The following HERC1 variants were observed in gnomAD, a reference collection of about 807,000 sequenced individuals.
The protein encoded by HERC1 is HECT and RLD domain containing E3 ubiquitin protein ligase family member 1, also known as probable E3 ubiquitin-protein ligase HERC1.
In HERC1, 160 loss-of-function variants were observed where a neutral mutation model predicts 554.3. That is an observed-to-expected ratio of 0.29 (90% CI 0.25 to 0.33). The LOEUF (loss-of-function observed/expected upper bound fraction) is 0.33. HERC1 is among the 10% of genes least tolerant of loss of function. The pLI, the probability that HERC1 is intolerant of heterozygous loss-of-function variation, is 1.00. For synonymous variants in HERC1, 2,175 were observed against 2,131.7 expected (o/e 1.02, Z -0.56); for missense variants, 4,919 against 5,918.5 (o/e 0.83, Z 5.54).
Position 63,674,748 on chromosome 15 carries a change from T to C in HERC1, c.7440A>G (p.Gln2480=), listed in dbSNP as rs199635033. 1,702 of 1,613,894 alleles carry C rather than the reference T, an allele frequency of 1.1e-3. No individual in the cohort carries two copies. The highest frequency in any genetic ancestry group is 1.3e-3 in the Non-Finnish European group (1,568 of 1,179,862). The change falls in exon 38 of 78, where the codon CAA becomes CAG. Residue 2480 remains glutamine (Q), a synonymous_variant. Coordinates refer to ENST00000443617, the MANE Select transcript of HERC1 (RefSeq NM_003922.4). ...PTLPSVESQH[Q]ITEGKRKNHE... Reference sequence around the variant, plus strand: ...GATTTTTTCTTTTCCCTTCTGTTATTTGATGTTGGGATTCCACACTTGGCA... The same window carrying C: ...GATTTTTTCTTTTCCCTTCTGTTATCTGATGTTGGGATTCCACACTTGGCA...
intron 1 of HERC1, among the ~76,000 whole-genome samples, chr15:63,795,495 G>C (rs773527116): frequency 6.6e-6 from 1 of 152,094 alleles, no homozygotes; most frequent in Admixed American, 6.5e-5. Context: ...TAAGTGGCTT[G>C]ATTTTATTTT....
At chr15:63,766,970 G>A (rs561482820) in intron 2 of HERC1, among the ~76,000 whole-genome samples, 1 of 150,418 alleles carries the variant, frequency 6.6e-6, no homozygotes, top group Admixed American at 6.6e-5. Flanking sequence ...GAGCCACCAT[G>A]CCCAGCCTAC....
At position 63,674,662 on chromosome 15, in the gene HERC1, G is replaced by A. The variant is rs1161604873; in HGVS notation, c.7526C>T (p.Ser2509Phe). The A allele has an allele frequency of 3.1e-6, 5 of 1,613,856 alleles. No individual in the cohort carries two copies. In the Admixed American group the frequency reaches 8.3e-5, roughly 27 times the overall value. Residue 2509 changes from serine to phenylalanine, a missense_variant, in exon 38 of 78, where the codon TCC becomes TTC. Around this residue, in one of 11 missense-constraint regions of HERC1, gnomAD observed 1,963 missense variants for 2,228.6 expected, o/e 0.88. Transcript: ENST00000443617. ...AQSEIRAVQLSYLYLGAMKSL... is the reference protein window; with the variant it reads ...AQSEIRAVQLFYLYLGAMKSL... Reference sequence around the variant, plus strand: ...CTTCATAGCACCGAGGTAAAGATAGGACAGCTGGACTGCTCTGATTTCTGA... The same window carrying A: ...CTTCATAGCACCGAGGTAAAGATAGAACAGCTGGACTGCTCTGATTTCTGA...
chr15:63,641,724 C>G (rs1180143547), intron 59 of HERC1, 81 bp from the exon 60 acceptor site: 1 of 1,161,568 alleles, frequency 8.6e-7, no homozygotes, highest in African/African-American at 1.5e-5. Flanking sequence ...TGCGAAATTC[C>G]TTCTAGTAAC....
intron 52 of HERC1, 98 bp from the exon 53 acceptor site, chr15:63,651,478 G>T: frequency 1.8e-6 from 2 of 1,097,838 alleles, no homozygotes; most frequent in Non-Finnish European, 2.6e-6. Flanking sequence ...AGACTAGAGT[G>T]TATAACTGAT....
rs538134201 is a variant in HERC1 at position 63,733,290 on chromosome 15, C to T, written c.2647-145G>A. 4.0e-4 allele frequency: 239 copies of T among 604,570 alleles called. 2 individuals carry two copies. The highest frequency in any genetic ancestry group is 4.4e-4 in the Middle Eastern group (1 of 2,276). The allele number at this position is 604,570 out of a possible 1,614,324, so 37.5% of individuals were successfully genotyped here. A position where few individuals can be genotyped will look rare whatever the true frequency, so the allele number is the denominator to read the frequency against. ...AGGAAGTACATAATTATAAAAACTA[C>T]CCAATTAATCCCATTTAGGAAATGG... On this transcript the variant is annotated intron_variant, in intron 13 of 77. Coordinates refer to ENST00000443617, the MANE Select transcript of HERC1 (RefSeq NM_003922.4).
intron 1 of HERC1, among the ~76,000 whole-genome samples, chr15:63,807,398 T>C (rs571619962): frequency 4.6e-5 from 7 of 152,312 alleles, no homozygotes; most frequent in Admixed American, 4.6e-4. Context: ...AGCCATTTCC[T>C]CTAGGGCTAC....
intron 70 of HERC1, among the ~76,000 whole-genome samples, chr15:63,627,625 G>C (rs979512947): frequency 2.0e-4 from 30 of 149,768 alleles, no homozygotes; most frequent in African/African-American, 7.4e-4. Flanking sequence ...AGTAAGCCGA[G>C]ATTGCGCCAT....
chr15:63,726,705 C>T (rs572140385), intron 17 of HERC1, among the ~76,000 whole-genome samples: 4 of 152,220 alleles, frequency 2.6e-5, no homozygotes, highest in African/African-American at 9.6e-5. Context: ...TGTCTACAAA[C>T]AAAACACCAG....
chr15:63,664,224 C>G (rs2070499001), intron 43 of HERC1, among the ~76,000 whole-genome samples: 1 of 152,114 alleles, frequency 6.6e-6, no homozygotes, highest in South Asian at 2.1e-4. Flanking sequence ...TATAATTTCT[C>G]AAAATCTACA....
At chr15:63,776,341 C>A (rs547112268) in intron 1 of HERC1, among the ~76,000 whole-genome samples, 22 of 152,294 alleles carry the variant, frequency 1.4e-4, no homozygotes, top group Admixed American at 8.5e-4. Flanking sequence ...CTCCTGTAGA[C>A]TTCTTTCTCT....
chr15:63,632,207 C>T (rs2068592121), intron 68 of HERC1: 1 of 158,580 alleles, frequency 6.3e-6, no homozygotes, highest in African/African-American at 2.4e-5. Context: ...TTTACTTCCT[C>T]TTCCTCACAC....
rs199544390 is a variant in HERC1, at chr15:63,626,109, G to A, written c.13151C>T (p.Pro4384Leu). ...LQLGLPDTVPPQYGALREVSI... is the reference protein window; with the variant it reads ...LQLGLPDTVPLQYGALREVSI... ...GACTTCTCTCAGCGCCCCATACTGGGGGGGCACTGTGTCAGGCAGGCCCAG... is the reference window on the plus strand; with the variant it reads ...GACTTCTCTCAGCGCCCCATACTGGAGGGGCACTGTGTCAGGCAGGCCCAG... Residue 4384 changes from proline to leucine, a missense_variant, in exon 71 of 78, where the codon CCC (proline) becomes CTC (leucine). By Grantham distance (98) the Pro-to-Leu change is moderately conservative (BLOSUM62 -3). Coordinates refer to ENST00000443617, the MANE Select transcript of HERC1 (RefSeq NM_003922.4). 199 of 1,613,726 alleles carry A rather than the reference G, an allele frequency of 1.2e-4. No individual in the cohort carries two copies. The highest frequency in any genetic ancestry group is 1.7e-4 in the Non-Finnish European group (195 of 1,179,780).
intron 34 of HERC1, among the ~76,000 whole-genome samples, chr15:63,685,896 T>G (rs2071734107): frequency 6.6e-6 from 1 of 152,214 alleles, no homozygotes; most frequent in Non-Finnish European, 1.5e-5. Context: ...TGTATCTAGA[T>G]TGTACAAACA....
At chr15:63,832,981 AC>A (rs2078207140) in intron 1 of HERC1, among the ~76,000 whole-genome samples, 1 of 152,208 alleles carries the variant, frequency 6.6e-6, no homozygotes. Context: ...CATTTCTTAA[AC>A]TAAGACAAAT....
chr15:63,830,060 A>C (rs951340447), intron 1 of HERC1, among the ~76,000 whole-genome samples: 1 of 152,188 alleles, frequency 6.6e-6, no homozygotes, highest in African/African-American at 2.4e-5. Flanking sequence ...CAAACACCAC[A>C]GTAATAACTG....
At chr15:63,623,537 T>G (rs2068176651) in intron 73 of HERC1, among the ~76,000 whole-genome samples, 188 bp downstream of exon 73, 2 of 152,214 alleles carry the variant, frequency 1.3e-5, no homozygotes, top group Admixed American at 1.3e-4. Context: ...TAAGGTATCT[T>G]GACAAAGCGT....
chr15:63,637,445 A>T, intron 64 of HERC1, 60 bp downstream of exon 64: 1 of 1,416,788 alleles, frequency 7.1e-7, no homozygotes, highest in Non-Finnish European at 9.7e-7. Context: ...AAAGGTTTGT[A>T]CGACCAAACC....
chr15:63,640,231 G>A lies in HERC1; in HGVS notation c.11822C>T (p.Thr3941Ile). 6.2e-7 allele frequency: 1 copy of A among 1,613,916 alleles called. No individual in the cohort carries two copies. Among genetic ancestry groups the A allele is most frequent in the Non-Finnish European group, 8.5e-7 (1 of 1,179,830 alleles). Residue 3941 changes from threonine to isoleucine, a missense_variant, in exon 61 of 78, where the codon ACC (threonine) becomes ATC (isoleucine). Thr to Ile is a moderately conservative substitution (Grantham distance 89, BLOSUM62 -1). This residue lies in a region of HERC1 where 1,963 missense variants were observed against 2,228.6 expected (regional missense o/e 0.88). Transcript: ENST00000443617. ...STTIKAAEAL[T>I]NGAQFPESFT... ...AGATTCTGGAAACTGGGCTCCATTG[G>A]TCAGGGCTTCGGCAGCTTTTATAGT...
Sources: allele counts gnomAD v4.1 joint callset (sites outside exome capture counted in the v4.1 genomes callset), GRCh38; gene constraint gnomAD v4.1.1; regional missense constraint gnomAD v4.1.1; transcripts MANE v1.5; gene names NCBI Gene and HGNC (gene_info 2026-07-23, HGNC 2026-07-21).